Variants in AGAP1 observed in about 807,000 individuals in gnomAD.
AGAP1 encodes the protein arf-GAP with GTPase, ANK repeat and PH domain-containing protein 1.
AGAP1 carries 29 observed loss-of-function variants against 105.3 expected under a neutral mutation model. That is an observed-to-expected ratio of 0.28 (90% CI 0.21 to 0.38). AGAP1 has a LOEUF of 0.38. Among genes scored for constraint, AGAP1 ranks in the 10% least tolerant of loss-of-function variants. The pLI, the probability that AGAP1 is intolerant of heterozygous loss-of-function variation, is 1.00. For synonymous variants in AGAP1, 509 were observed against 485.9 expected (o/e 1.05, Z -0.63); for missense variants, 998 against 1,165.1 (o/e 0.86, Z 2.09).
chr2:235,569,204 A>C lies in AGAP1; in HGVS notation c.163+74355A>C, dbSNP rs1944441173. ...GTGGCGGGCGCCTGTAGTCCCAGCT[A>C]CTTGGGAGGCTGAGGCAGGAGAATC... is the stretch of plus-strand genomic sequence containing the variant. On this transcript the variant is annotated intron_variant, in intron 1 of 17. Transcript: ENST00000304032. The surrounding 1 kb of genome is among the most constrained non-coding windows in gnomAD (Gnocchi z 5.9). 1.3e-5 allele frequency among the ~76,000 whole-genome samples: 2 copies of C among 152,180 alleles called. No individual in the cohort carries two copies. The highest frequency in any genetic ancestry group is 4.8e-5 in the African/African-American group (2 of 41,452).
At chr2:235,925,342 G>C (rs1012950097) in intron 11 of AGAP1, among the ~76,000 whole-genome samples, 1 of 151,984 alleles carries the variant, frequency 6.6e-6, no homozygotes, top group Non-Finnish European at 1.5e-5. Context: ...ACATCTAAAC[G>C]ACCCCAGCTT....
At chr2:235,616,720 C>T (rs1946318511) in intron 1 of AGAP1, among the ~76,000 whole-genome samples, 3 of 152,190 alleles carry the variant, frequency 2.0e-5, no homozygotes, top group Admixed American at 2.0e-4. Flanking sequence ...CGCTTGGTGC[C>T]TAGCACAGAG....
chr2:236,029,329 G>A (rs1419599951), intron 13 of AGAP1, among the ~76,000 whole-genome samples: 1 of 150,946 alleles, frequency 6.6e-6, no homozygotes, highest in African/African-American at 2.4e-5. Context: ...AGGCTGGAGT[G>A]CAGTGGCGTG....
chr2:235,826,211 A>G (rs2106316649), intron 9 of AGAP1, among the ~76,000 whole-genome samples: 1 of 152,250 alleles, frequency 6.6e-6, no homozygotes, highest in Non-Finnish European at 1.5e-5. Flanking sequence ...TCCCTCATAG[A>G]TTCCTTTCAG....
intron 9 of AGAP1, among the ~76,000 whole-genome samples, chr2:235,833,957 TAAAA>T (rs60112448): frequency 2.2e-5 from 3 of 137,812 alleles, no homozygotes. Flanking sequence ...ATTTTTTTTG[TAAAA>T]AAAAAAAAAG....
intron 11 of AGAP1, among the ~76,000 whole-genome samples, chr2:235,922,940 C>T (rs2052251606): frequency 6.6e-6 from 1 of 152,150 alleles, no homozygotes; most frequent in African/African-American, 2.4e-5. Flanking sequence ...AAGAATCTGG[C>T]GCTTTTGACA....
In AGAP1 at chr2:235,620,546, C is replaced by A. The variant is rs1253448582; in HGVS notation, c.164-88633C>A. On this transcript the variant is annotated intron_variant, in intron 1 of 17. Transcript: ENST00000304032. This position sits in a 1 kb window ranked among gnomAD's most constrained non-coding sequence, Gnocchi z 4.5. ...GGGGGCCCTTGCAGCTTGGCCCTCG[C>A]ATCCTTCAGCCTCACCTCCAGTGTC... is the stretch of plus-strand genomic sequence containing the variant. Among the ~76,000 whole-genome samples the A allele has an allele frequency of 6.6e-6, 1 of 152,210 alleles. No homozygotes were observed. The highest frequency in any genetic ancestry group is 1.9e-4 in the East Asian group (1 of 5,182).
rs895488981 is a variant in AGAP1, at chr2:235,935,846, T to C, written c.1483+4923T>C. On this transcript the variant is annotated intron_variant, in intron 12 of 17. Transcript: ENST00000304032. Reference sequence around the variant, plus strand: ...TGTGGGTAGCAGGGGCCCTGGGGGGTCGTATGTGGCATACTTGGCCGTCCT... The same window carrying C: ...TGTGGGTAGCAGGGGCCCTGGGGGGCCGTATGTGGCATACTTGGCCGTCCT... Among the ~76,000 whole-genome samples the C allele has an allele frequency of 2.0e-5, 3 of 150,384 alleles. No individual in the cohort carries two copies. In the South Asian group the frequency reaches 6.4e-4, roughly 32 times the overall value.
At chr2:235,781,617 C>T (rs1347318163) in intron 6 of AGAP1, among the ~76,000 whole-genome samples, 1 of 152,106 alleles carries the variant, frequency 6.6e-6, no homozygotes, top group Non-Finnish European at 1.5e-5. Flanking sequence ...TCACTGGACA[C>T]GTGTTCATTC....
chr2:235,797,612 T>C, intron 6 of AGAP1, 147 bp from the exon 7 acceptor site: 1 of 1,011,008 alleles, frequency 9.9e-7, no homozygotes, highest in Non-Finnish European at 1.5e-6. Context: ...TTTATTCTGG[T>C]TGTCATTTGC....
At chr2:235,848,010 G>A (rs1056954792) in intron 9 of AGAP1, among the ~76,000 whole-genome samples, 1 of 152,208 alleles carries the variant, frequency 6.6e-6, no homozygotes, top group South Asian at 2.1e-4. Context: ...AGTTCTATAA[G>A]CAAATGCCAT....
chr2:235,949,563 A>G (rs1023466839), intron 12 of AGAP1, among the ~76,000 whole-genome samples: 3 of 152,182 alleles, frequency 2.0e-5, no homozygotes, highest in East Asian at 3.9e-4. Context: ...TCGAACACCC[A>G]AGGCTGTGTA....
intron 16 of AGAP1, among the ~76,000 whole-genome samples, chr2:236,074,614 G>A (rs1304849626): frequency 6.6e-6 from 1 of 152,148 alleles, no homozygotes; most frequent in African/African-American, 2.4e-5. Flanking sequence ...AAATAAATGT[G>A]TAAAAATGTT....
At chr2:235,603,654 T>C (rs1025337430) in intron 1 of AGAP1, among the ~76,000 whole-genome samples, 1 of 152,244 alleles carries the variant, frequency 6.6e-6, no homozygotes, top group Non-Finnish European at 1.5e-5. Context: ...AGTAAAATTA[T>C]GTTCAGTGCT....
rs577357802 is a variant in AGAP1, at chr2:235,907,134, C to T, written c.1156-1604C>T. Among the ~76,000 whole-genome samples the T allele has an allele frequency of 2.0e-5, 3 of 152,350 alleles. No individual in the cohort carries two copies. The South Asian group carries it at 6.2e-4, about 32-fold the overall frequency. ...CAGCAGCTTCCTCAATACACTTGGC[C>T]AAGTTTCCTTGTCCCTGAGACAGAG... On this transcript the variant is annotated intron_variant, in intron 10 of 17. Transcript: ENST00000304032.
At position 236,045,863 on chromosome 2, in the gene AGAP1, C is replaced by T; in HGVS notation, c.1892-3196C>T. On this transcript the variant is annotated intron_variant, in intron 15 of 17. Coordinates refer to ENST00000304032, the MANE Select transcript of AGAP1 (RefSeq NM_001037131.3). This position sits in a 1 kb window ranked among gnomAD's most constrained non-coding sequence, Gnocchi z 6.9. ...CTCCCCTCAGTCAGCCCCAGCCTTA[C>T]CTGTCTCTAAGCAGAGGGTGGTGAG... is the stretch of plus-strand genomic sequence containing the variant. The T allele has an allele frequency of 6.7e-6, 3 of 444,598 alleles. No individual in the cohort carries two copies. The highest frequency in any genetic ancestry group is 1.4e-5 in the Non-Finnish European group (3 of 208,402). 27.5% of individuals were successfully genotyped at this position (444,598 alleles called of 1,614,324 possible).
intron 1 of AGAP1, among the ~76,000 whole-genome samples, chr2:235,533,437 A>G (rs537454199): frequency 7.9e-5 from 12 of 152,332 alleles, no homozygotes; most frequent in Admixed American, 5.9e-4. Context: ...ATTACTCATT[A>G]GTTTGCTGTA....
At position 235,723,588 on chromosome 2, in the gene AGAP1, C is replaced by T. The variant is rs1034634805; in HGVS notation, c.310+5944C>T. Among the ~76,000 whole-genome samples, 9 of 152,294 alleles carry T rather than the reference C, an allele frequency of 5.9e-5. No homozygotes were observed. The highest frequency in any genetic ancestry group is 2.2e-4 in the African/African-American group (9 of 41,572). ...CCATGGCATCACAGGCACCCTGGGC[C>T]ATGGGCCCTCCCGAGCTGTGCAGGT... On this transcript the variant is annotated intron_variant, in intron 3 of 17. Coordinates refer to ENST00000304032, the MANE Select transcript of AGAP1 (RefSeq NM_001037131.3). This position sits in a 1 kb window ranked among gnomAD's most constrained non-coding sequence, Gnocchi z 6.2.
At chr2:235,894,635 A>ACACACACATG (rs2050717585) in intron 10 of AGAP1, among the ~76,000 whole-genome samples, 1 of 137,536 alleles carries the variant, frequency 7.3e-6, no homozygotes, top group African/African-American at 3.3e-5. Flanking sequence ...ATGCACATGT[A>ACACACACATG]CACACACACA....
Sources: gnomAD v4.1 joint callset for allele counts (sites outside exome capture counted in the v4.1 genomes callset) on GRCh38, gnomAD v4.1.1 for gene constraint, Gnocchi (gnomAD v3.1) non-coding constraint, MANE v1.5 for transcripts, NCBI Gene and HGNC (gene_info 2026-07-23, HGNC 2026-07-21) for gene names.